SMYD3: variants seen among roughly 807,000 people sequenced by gnomAD.
The protein encoded by SMYD3 is SET and MYND domain containing 3.
Under a neutral mutation model 57.7 loss-of-function variants are expected in SMYD3, and 36 were observed. The ratio of observed to expected loss-of-function variants is 0.62; its 90% confidence interval spans 0.48 to 0.82. The LOEUF (loss-of-function observed/expected upper bound fraction) is 0.82, where lower values mean the gene tolerates loss of function less well. Ranked by LOEUF, SMYD3 falls within the 40% of genes least tolerant of loss-of-function variation. The probability of loss-of-function intolerance (pLI) is 0.00; values close to 1 mark genes in which losing one functional copy is unlikely to be tolerated. For missense variants in SMYD3, 515 were observed against 538.8 expected, an observed-to-expected ratio of 0.96 and a Z score of 0.44; for synonymous variants, 211 against 195.0, an observed-to-expected ratio of 1.08 and a Z score of -0.68.
chr1:245,766,064 G>C (rs559233565), intron 10 of SMYD3, among the ~76,000 whole-genome samples: 1 of 152,176 alleles, frequency 6.6e-6, no homozygotes, highest in African/African-American at 2.4e-5. Context: ...CAGTACCTGG[G>C]AGGAAAGTAT....
chr1:246,323,447 G>C (rs188101057), intron 5 of SMYD3, among the ~76,000 whole-genome samples: 15 of 152,276 alleles, frequency 9.9e-5, no homozygotes, highest in Non-Finnish European at 2.1e-4. Context: ...GGTCCGACAG[G>C]AAAGACACAC....
rs975961539 is a variant in SMYD3, at chr1:246,232,013, C to T, written c.531+95188G>A. 2.0e-5 allele frequency among the ~76,000 whole-genome samples: 3 copies of T among 152,276 alleles called. No individual in the cohort carries two copies. In the South Asian group the frequency reaches 6.2e-4, roughly 32 times the overall value. ...TTGAGACCACAGTCCAGGAGAAGCGCAGCATTTATTCTCTTATTGCAGCAC... is the reference window on the plus strand; with the variant it reads ...TTGAGACCACAGTCCAGGAGAAGCGTAGCATTTATTCTCTTATTGCAGCAC... On this transcript the variant is annotated intron_variant, in intron 5 of 11. Coordinates refer to ENST00000490107, the MANE Select transcript of SMYD3 (RefSeq NM_001167740.2).
intron 1 of SMYD3, among the ~76,000 whole-genome samples, chr1:246,390,233 A>G (rs1347867382): frequency 1.4e-5 from 2 of 143,448 alleles, no homozygotes; most frequent in African/African-American, 5.5e-5. Flanking sequence ...AAAAAAAAAA[A>G]AAAAAAAAAG....
At chr1:245,919,596 A>C (rs575237208) in intron 7 of SMYD3, among the ~76,000 whole-genome samples, 1 of 152,316 alleles carries the variant, frequency 6.6e-6, no homozygotes, top group East Asian at 1.9e-4. Context: ...AAAATATTTT[A>C]TTCATATTTT....
intron 5 of SMYD3, among the ~76,000 whole-genome samples, chr1:246,258,833 TTC>T (rs1435155259): frequency 6.6e-6 from 1 of 152,044 alleles, no homozygotes; most frequent in East Asian, 1.9e-4. Flanking sequence ...ATTTTTTTCC[TTC>T]TCTCTCAGTA....
chr1:246,030,006 CTTTTT>C (rs58066934), intron 5 of SMYD3, among the ~76,000 whole-genome samples: 1 of 135,110 alleles, frequency 7.4e-6, no homozygotes, highest in Admixed American at 7.4e-5. Context: ...TTCTTTCTTT[CTTTTT>C]TTTTTTTTTT....
At chr1:245,891,144 A>G (rs757343496) in intron 8 of SMYD3, among the ~76,000 whole-genome samples, 3 of 152,212 alleles carry the variant, frequency 2.0e-5, no homozygotes, top group Non-Finnish European at 2.9e-5. Flanking sequence ...AATGAATAAC[A>G]TCTACTATTT....
rs181340326 is a variant in SMYD3 at position 246,014,752 on chromosome 1, A to G, written c.532-84815T>C. Among the ~76,000 whole-genome samples, 76 of 152,184 alleles carry G rather than the reference A, an allele frequency of 5.0e-4. 1 individual carries two copies. Among genetic ancestry groups the G allele is most frequent in the Admixed American group, 3.2e-3 (49 of 15,288 alleles). ...GTTGGGGCTCATAAACCAATACCCTAAAATACAGCGCTTTGACATCCTGAA... is the reference window on the plus strand; with the variant it reads ...GTTGGGGCTCATAAACCAATACCCTGAAATACAGCGCTTTGACATCCTGAA... On this transcript the variant is annotated intron_variant, in intron 5 of 11. Transcript: ENST00000490107.
intron 5 of SMYD3, among the ~76,000 whole-genome samples, chr1:246,305,152 A>T (rs1166111889): frequency 6.6e-6 from 1 of 152,244 alleles, no homozygotes; most frequent in Non-Finnish European, 1.5e-5. Flanking sequence ...AATCTCTCAC[A>T]GTAATGCTGA....
At chr1:246,392,056 G>A (rs1192535748) in intron 1 of SMYD3, among the ~76,000 whole-genome samples, 2 of 152,080 alleles carry the variant, frequency 1.3e-5, no homozygotes, top group South Asian at 4.1e-4. Context: ...CTACAATAAA[G>A]CTCTCATTGC....
chr1:246,157,996 T>C (rs10924524), intron 5 of SMYD3, among the ~76,000 whole-genome samples: 3,496 of 152,336 alleles, frequency 0.023, 208 homozygotes, highest in East Asian at 0.22. Context: ...CACAGCAGAT[T>C]GAATGGACAG....
At chr1:246,266,854 C>A (rs1208655334) in intron 5 of SMYD3, among the ~76,000 whole-genome samples, 1 of 151,890 alleles carries the variant, frequency 6.6e-6, no homozygotes, top group Non-Finnish European at 1.5e-5. Context: ...AGAGAAAATA[C>A]TTTTTCGAGT....
intron 1 of SMYD3, among the ~76,000 whole-genome samples, chr1:246,394,279 A>G (rs2066620789): frequency 6.6e-6 from 1 of 152,246 alleles, no homozygotes; most frequent in African/African-American, 2.4e-5. Flanking sequence ...ATTTCCTTTA[A>G]GAATAGAATC....
chr1:246,282,432 G>A (rs1022088976), intron 5 of SMYD3, among the ~76,000 whole-genome samples: 1 of 151,182 alleles, frequency 6.6e-6, no homozygotes, highest in African/African-American at 2.4e-5. Flanking sequence ...CCAGGAGGTC[G>A]GGGCTGCAGT....
intron 5 of SMYD3, chr1:246,108,749 C>T (rs1418034802): frequency 6.6e-6 from 1 of 152,262 alleles, no homozygotes; most frequent in Non-Finnish European, 1.5e-5. Context: ...CAGCTCAGTC[C>T]AGCTAGCAAA....
intron 5 of SMYD3, among the ~76,000 whole-genome samples, chr1:246,073,798 T>C (rs532021419): frequency 6.6e-6 from 1 of 152,226 alleles, no homozygotes; most frequent in South Asian, 2.1e-4. Flanking sequence ...GCATTCAAGA[T>C]AGTGTCTCTC....
intron 5 of SMYD3, among the ~76,000 whole-genome samples, chr1:246,103,125 T>C (rs957471810): frequency 1.3e-5 from 2 of 152,188 alleles, no homozygotes; most frequent in Non-Finnish European, 1.5e-5. Flanking sequence ...TCAATAAATA[T>C]TGAAGAATGA....
chr1:246,088,991 T>C (rs771227387), intron 5 of SMYD3, among the ~76,000 whole-genome samples: 2 of 152,210 alleles, frequency 1.3e-5, no homozygotes, highest in Admixed American at 1.3e-4. Context: ...TGAGATGATC[T>C]TTTATTTTTT....
intron 1 of SMYD3, among the ~76,000 whole-genome samples, chr1:246,419,598 C>G (rs925387753): frequency 6.6e-6 from 1 of 152,152 alleles, no homozygotes; most frequent in Non-Finnish European, 1.5e-5. Context: ...CCCTCCTCTA[C>G]CCAGCACTTC....
Sources: allele counts gnomAD v4.1 joint callset (sites outside exome capture counted in the v4.1 genomes callset), GRCh38; gene constraint gnomAD v4.1.1; transcripts MANE v1.5; gene names NCBI Gene and HGNC (gene_info 2026-07-23, HGNC 2026-07-21).